Variants in GRM3 observed in about 807,000 individuals in gnomAD.
The protein encoded by GRM3 is metabotropic glutamate receptor 3.
In GRM3, 26 loss-of-function variants were observed where a neutral mutation model predicts 70.5. That is an observed-to-expected ratio of 0.37 (90% CI 0.27 to 0.51). GRM3 has a LOEUF of 0.51. Ranked by LOEUF, GRM3 falls within the 20% of genes least tolerant of loss-of-function variation. The pLI, the probability that GRM3 is intolerant of heterozygous loss-of-function variation, is 0.93. For missense variants in GRM3, 859 were observed against 1,123.8 expected (o/e 0.76, Z 3.37); for synonymous variants, 443 against 434.9 (o/e 1.02, Z -0.23).
intron 3 of GRM3, among the ~76,000 whole-genome samples, chr7:86,799,751 G>A (rs1234518730): frequency 3.3e-5 from 5 of 152,112 alleles, no homozygotes; most frequent in South Asian, 2.1e-4. Context: ...GGATGGTCTC[G>A]ATCTCCTAAC....
intron 1 of GRM3, among the ~76,000 whole-genome samples, chr7:86,679,476 G>A (rs913324782): frequency 6.6e-6 from 1 of 152,002 alleles, no homozygotes; most frequent in African/African-American, 2.4e-5. Flanking sequence ...ATCACACTGA[G>A]TTATTCAGAG....
chr7:86,803,999 T>A (rs971859689), intron 3 of GRM3, among the ~76,000 whole-genome samples: 1 of 152,148 alleles, frequency 6.6e-6, no homozygotes, highest in African/African-American at 2.4e-5. Context: ...TACCATTTTA[T>A]AGATGAGAAT....
chr7:86,655,138 TA>T (rs1345452341), intron 1 of GRM3, among the ~76,000 whole-genome samples: 1 of 152,220 alleles, frequency 6.6e-6, no homozygotes, highest in African/African-American at 2.4e-5. Flanking sequence ...TCAACATGAA[TA>T]TCTAGTCTAC....
At chr7:86,784,997 T>C (rs895411611) in intron 2 of GRM3, among the ~76,000 whole-genome samples, 24 of 152,236 alleles carry the variant, frequency 1.6e-4, no homozygotes, top group African/African-American at 5.5e-4. Flanking sequence ...GGGGCTCAGA[T>C]GTCAGTTGTT....
chr7:86,665,174 T>C (rs962116217), intron 1 of GRM3, among the ~76,000 whole-genome samples: 20 of 152,016 alleles, frequency 1.3e-4, no homozygotes, highest in African/African-American at 4.8e-4. Flanking sequence ...AAATTGAATA[T>C]ATTTGAGAAA....
At chr7:86,703,048 T>C (rs1387104309) in intron 1 of GRM3, among the ~76,000 whole-genome samples, 2 of 152,000 alleles carry the variant, frequency 1.3e-5, no homozygotes, top group African/African-American at 4.8e-5. Flanking sequence ...CACATAGTAA[T>C]GATTACCTGT....
At chr7:86,767,953 A>G (rs1294686320) in intron 2 of GRM3, among the ~76,000 whole-genome samples, 1 of 152,082 alleles carries the variant, frequency 6.6e-6, no homozygotes, top group African/African-American at 2.4e-5. Context: ...TGAAAGACCT[A>G]TCTCATTAGG....
chr7:86,770,845 A>G (rs1562855971), intron 2 of GRM3, among the ~76,000 whole-genome samples: 1 of 152,036 alleles, frequency 6.6e-6, no homozygotes, highest in Non-Finnish European at 1.5e-5. Flanking sequence ...CTCTCTGTGG[A>G]CAAATAGGTT....
intron 1 of GRM3, among the ~76,000 whole-genome samples, chr7:86,754,076 C>T (rs376159555): frequency 2.6e-5 from 4 of 152,088 alleles, no homozygotes; most frequent in Non-Finnish European, 4.4e-5. Context: ...AGTTCCATTA[C>T]GCCAGGTTTA....
chr7:86,764,947 C>T lies in GRM3; in HGVS notation c.-140-59C>T, dbSNP rs1488569492. 7 of 1,233,784 alleles carry T rather than the reference C, an allele frequency of 5.7e-6. No homozygotes were observed. The Admixed American group carries it at 9.7e-5, about 17-fold the overall frequency. The allele number at this position is 1,233,784 out of a possible 1,614,324, so 76.4% of individuals were successfully genotyped here. A position where few individuals can be genotyped will look rare whatever the true frequency, so the allele number is the denominator to read the frequency against. ...CATTAAAGGTCTGATTGGGCATGATCGATGTAATCACTGTTGCTTTCTTTA... is the reference window on the plus strand; with the variant it reads ...CATTAAAGGTCTGATTGGGCATGATTGATGTAATCACTGTTGCTTTCTTTA... On this transcript the variant is annotated intron_variant, in intron 1 of 5. Transcript: ENST00000361669.
At position 86,663,591 on chromosome 7, in the gene GRM3, A is replaced by G. The variant is rs983160135; in HGVS notation, c.-141+18719A>G. ...GTCAAAAGAGAATTTATAAATATTTATTAAATTCAACTGAATTATGTCTTT... is the reference window on the plus strand; with the variant it reads ...GTCAAAAGAGAATTTATAAATATTTGTTAAATTCAACTGAATTATGTCTTT... On this transcript the variant is annotated intron_variant, in intron 1 of 5. Coordinates refer to ENST00000361669, the MANE Select transcript of GRM3 (RefSeq NM_000840.3). Among the ~76,000 whole-genome samples, 9 of 152,058 alleles carry G rather than the reference A, an allele frequency of 5.9e-5. No individual in the cohort carries two copies. The East Asian group carries it at 1.2e-3, about 20-fold the overall frequency.
intron 1 of GRM3, among the ~76,000 whole-genome samples, chr7:86,728,386 T>C (rs1584197102): frequency 6.6e-6 from 1 of 152,228 alleles, no homozygotes; most frequent in Non-Finnish European, 1.5e-5. Flanking sequence ...ATTTGAACTA[T>C]TCATAGTTTT....
At chr7:86,683,151 T>G (rs1794482356) in intron 1 of GRM3, among the ~76,000 whole-genome samples, 1 of 152,144 alleles carries the variant, frequency 6.6e-6, no homozygotes, top group African/African-American at 2.4e-5. Flanking sequence ...TGAAAATTTA[T>G]GGGAGCAAAG....
chr7:86,827,729 G>A (rs1468112389), intron 3 of GRM3, among the ~76,000 whole-genome samples: 4 of 152,056 alleles, frequency 2.6e-5, no homozygotes, highest in African/African-American at 9.7e-5. Context: ...GGCCAGGCTG[G>A]TCTCAAACTC....
chr7:86,728,350 G>GA (rs920668867), intron 1 of GRM3, among the ~76,000 whole-genome samples: 9 of 152,148 alleles, frequency 5.9e-5, no homozygotes, highest in Admixed American at 6.5e-5. Flanking sequence ...GGAATACAGA[G>GA]AAAAACATTA....
chr7:86,758,491 T>C (rs1796401178), intron 1 of GRM3, among the ~76,000 whole-genome samples: 1 of 152,124 alleles, frequency 6.6e-6, no homozygotes, highest in African/African-American at 2.4e-5. Flanking sequence ...TTGAGGATGC[T>C]AAAGCAGCTG....
intron 2 of GRM3, among the ~76,000 whole-genome samples, chr7:86,769,448 C>G (rs1052196168): frequency 6.6e-6 from 1 of 152,010 alleles, no homozygotes. Flanking sequence ...GTGCATCTTC[C>G]CTTTTGTGGT....
At chr7:86,653,633 G>C (rs1793660916) in intron 1 of GRM3, among the ~76,000 whole-genome samples, 1 of 151,798 alleles carries the variant, frequency 6.6e-6, no homozygotes, top group Admixed American at 6.6e-5. Flanking sequence ...ACATCTTTTG[G>C]ATATTCTTAT....
At chr7:86,720,677 A>T (rs1795437626) in intron 1 of GRM3, among the ~76,000 whole-genome samples, 1 of 152,106 alleles carries the variant, frequency 6.6e-6, no homozygotes, top group South Asian at 2.1e-4. Flanking sequence ...AGAGCCCCAC[A>T]GAGCAAAGCA....
Sources: allele counts gnomAD v4.1 joint callset (sites outside exome capture counted in the v4.1 genomes callset), GRCh38; gene constraint gnomAD v4.1.1; transcripts MANE v1.5; gene names NCBI Gene and HGNC (gene_info 2026-07-23, HGNC 2026-07-21).